Variants in DHRS7B observed in about 807,000 individuals in gnomAD.
DHRS7B encodes the protein peroxisomal reductase activating PPAR-gamma.
DHRS7B carries 24 observed loss-of-function variants against 26.4 expected under a neutral mutation model. The observed-to-expected ratio is 0.91, with a 90% CI of 0.66 to 1.28. The LOEUF is 1.28. Ranked by LOEUF, DHRS7B falls within the 50% of genes most tolerant of loss-of-function variation. The probability of loss-of-function intolerance (pLI) is 0.00; values close to 1 mark genes in which losing one functional copy is unlikely to be tolerated. For synonymous variants in DHRS7B, 142 were observed against 166.4 expected, an observed-to-expected ratio of 0.85 and a Z score of 1.13; for missense variants, 368 against 419.4, an observed-to-expected ratio of 0.88 and a Z score of 1.07.
intron 1 of DHRS7B, among the ~76,000 whole-genome samples, chr17:21,142,539 A>G (rs771772556): frequency 1.3e-5 from 2 of 152,200 alleles, no homozygotes; most frequent in African/African-American, 2.4e-5. Context: ...TCCTGAAGAC[A>G]TGTGCCCAAG....
At chr17:21,175,814 G>A (rs1166601664) in intron 2 of DHRS7B, among the ~76,000 whole-genome samples, 1 of 151,760 alleles carries the variant, frequency 6.6e-6, no homozygotes, top group African/African-American at 2.4e-5. Flanking sequence ...CTGTAGTCCC[G>A]GCAACTTGGA....
intron 1 of DHRS7B, among the ~76,000 whole-genome samples, chr17:21,140,535 C>CCTG (rs1220657697): frequency 6.7e-6 from 1 of 149,652 alleles, no homozygotes; most frequent in East Asian, 2.0e-4. Flanking sequence ...CACACACACA[C>CCTG]ACACCCTGAC....
intron 2 of DHRS7B, among the ~76,000 whole-genome samples, chr17:21,174,460 C>T (rs776132755): frequency 1.3e-5 from 2 of 152,254 alleles, no homozygotes; most frequent in African/African-American, 2.4e-5. Flanking sequence ...CAGTCATCTG[C>T]AGCCCTTCAT....
chr17:21,146,853 C>T (rs559706305), intron 1 of DHRS7B, among the ~76,000 whole-genome samples: 2 of 152,282 alleles, frequency 1.3e-5, no homozygotes, highest in South Asian at 4.1e-4. Context: ...AACGTTAATT[C>T]TTACAACAAG....
At chr17:21,138,075 A>AAAAAATATATAT (rs1238830544) in intron 1 of DHRS7B, among the ~76,000 whole-genome samples, 1 of 33,228 alleles carries the variant, frequency 3.0e-5, no homozygotes, top group African/African-American at 1.4e-4. Flanking sequence ...TTAAAAAAAA[A>AAAAAATATATAT]ATATATATAT....
At chr17:21,169,421 A>G (rs1195134827) in intron 1 of DHRS7B, among the ~76,000 whole-genome samples, 2 of 152,066 alleles carry the variant, frequency 1.3e-5, no homozygotes, top group South Asian at 2.1e-4. Context: ...GTACAGATGA[A>G]TTCATCCAAC....
At chr17:21,127,466 G>C (rs1178503504) in intron 1 of DHRS7B, 1 of 159,764 alleles carries the variant, frequency 6.3e-6, no homozygotes, top group African/African-American at 2.4e-5. Flanking sequence ...CGGTTTTTCA[G>C]AAGGCAGGAG....
At chr17:21,161,906 A>C (rs1195607094) in intron 1 of DHRS7B, among the ~76,000 whole-genome samples, 1 of 152,154 alleles carries the variant, frequency 6.6e-6, no homozygotes, top group African/African-American at 2.4e-5. Flanking sequence ...GCTGGCATTA[A>C]AAGTCAGTGT....
chr17:21,139,672 C>A (rs1973445002), intron 1 of DHRS7B, among the ~76,000 whole-genome samples: 2 of 149,226 alleles, frequency 1.3e-5, no homozygotes, highest in African/African-American at 5.0e-5. Flanking sequence ...GAGACTCCAT[C>A]TCAAAAAAAA....
At chr17:21,140,543 G>T (rs1435940142) in intron 1 of DHRS7B, among the ~76,000 whole-genome samples, 2 of 47,992 alleles carry the variant, frequency 4.2e-5, no homozygotes, top group African/African-American at 1.7e-4. Context: ...CACACACCCT[G>T]ACACCCTATA....
chr17:21,188,547 A>G (rs988848831), intron 5 of DHRS7B, among the ~76,000 whole-genome samples, 164 bp from the exon 6 acceptor site: 11 of 152,224 alleles, frequency 7.2e-5, no homozygotes, highest in African/African-American at 2.7e-4. Context: ...CAGGAGGATC[A>G]CTTGAGCTCA....
At chr17:21,156,806 G>A (rs1053188057) in intron 1 of DHRS7B, among the ~76,000 whole-genome samples, 2 of 151,818 alleles carry the variant, frequency 1.3e-5, no homozygotes, top group South Asian at 4.2e-4. Context: ...CCAGCTATTC[G>A]GGGGGCTGAG....
At chr17:21,152,381 C>G (rs1973790829) in intron 1 of DHRS7B, among the ~76,000 whole-genome samples, 2 of 152,160 alleles carry the variant, frequency 1.3e-5, no homozygotes, top group Non-Finnish European at 2.9e-5. Flanking sequence ...TGTCGAACTC[C>G]TGGACTCAAG....
rs192439423 is a variant in DHRS7B at position 21,154,968 on chromosome 17, A to T, written c.21-17050A>T. 7.0e-3 allele frequency among the ~76,000 whole-genome samples: 1,061 copies of T among 152,210 alleles called. 9 individuals carry two copies. Among genetic ancestry groups the T allele is most frequent in the African/African-American group, 0.022 (919 of 41,530 alleles). ...GGCAACCACTAAAAAAAGTTTTTTT[A>T]AAAAAAGAAGCATAGTTGATAAGCT... On this transcript the variant is annotated intron_variant, in intron 1 of 6. Coordinates refer to ENST00000395511, the MANE Select transcript of DHRS7B (RefSeq NM_015510.5).
At chr17:21,174,775 G>A (rs1974336621) in intron 2 of DHRS7B, among the ~76,000 whole-genome samples, 1 of 152,230 alleles carries the variant, frequency 6.6e-6, no homozygotes, top group Admixed American at 6.5e-5. Flanking sequence ...AATGGGGTGA[G>A]GAAGCCAGCA....
At chr17:21,189,264 C>T (rs1974723644) in intron 6 of DHRS7B, among the ~76,000 whole-genome samples, 1 of 152,046 alleles carries the variant, frequency 6.6e-6, no homozygotes. Flanking sequence ...TGTCTCTGTC[C>T]CATAGGCTTG....
At chr17:21,138,075 A>ATAT (rs1555536193) in intron 1 of DHRS7B, among the ~76,000 whole-genome samples, 3 of 33,230 alleles carry the variant, frequency 9.0e-5, no homozygotes, top group Non-Finnish European at 1.9e-4. Context: ...TTAAAAAAAA[A>ATAT]ATATATATAT....
At chr17:21,136,198 A>G (rs371986424) in intron 1 of DHRS7B, among the ~76,000 whole-genome samples, 11 of 152,172 alleles carry the variant, frequency 7.2e-5, no homozygotes, top group African/African-American at 2.6e-4. Flanking sequence ...GCTACTCGAG[A>G]GGCTGAGGCA....
At chr17:21,127,137 C>T (rs138073746) in intron 1 of DHRS7B, 146 bp downstream of exon 1, 15 of 800,016 alleles carry the variant, frequency 1.9e-5, no homozygotes, top group Middle Eastern at 6.6e-4. Context: ...ATCCCCGCGA[C>T]GCCGAACTCT....
Sources: gnomAD v4.1 joint callset for allele counts (sites outside exome capture counted in the v4.1 genomes callset) on GRCh38, gnomAD v4.1.1 for gene constraint, MANE v1.5 for transcripts, NCBI Gene and HGNC (gene_info 2026-07-23, HGNC 2026-07-21) for gene names.